The following RXRA variants were observed in gnomAD, a reference collection of about 807,000 sequenced individuals.
The protein encoded by RXRA is retinoic acid receptor RXR-alpha.
Under a neutral mutation model 44.5 loss-of-function variants are expected in RXRA, and 5 were observed. That is an observed-to-expected ratio of 0.11 (90% CI 0.06 to 0.24). The LOEUF is 0.24. Among genes scored for constraint, RXRA ranks in the 10% least tolerant of loss-of-function variants. The pLI, the probability that RXRA is intolerant of heterozygous loss-of-function variation, is 1.00. For missense variants in RXRA, 412 were observed against 646.5 expected (o/e 0.64, Z 3.93); for synonymous variants, 291 against 271.4 (o/e 1.07, Z -0.71).
chr9:134,349,521 G>A lies in RXRA; in HGVS notation c.28+22862G>A, dbSNP rs1462522687. Among the ~76,000 whole-genome samples, 3 of 152,292 alleles carry A rather than the reference G, an allele frequency of 2.0e-5. No homozygotes were observed. Among genetic ancestry groups the A allele is most frequent in the African/African-American group, 7.2e-5 (3 of 41,556 alleles). ...GCTGCGGGGGTGGCTCGGCCCTGAAGCTCGTGGCGGGCAGGAGTGTGCACG... is the reference window on the plus strand; with the variant it reads ...GCTGCGGGGGTGGCTCGGCCCTGAAACTCGTGGCGGGCAGGAGTGTGCACG... On this transcript the variant is annotated intron_variant, in intron 1 of 9. Coordinates refer to ENST00000481739, the MANE Select transcript of RXRA (RefSeq NM_002957.6). The surrounding 1 kb of genome is among the most constrained non-coding windows in gnomAD (Gnocchi z 4.3).
At chr9:134,383,068 C>T (rs1160927439) in intron 1 of RXRA, among the ~76,000 whole-genome samples, 2 of 152,172 alleles carry the variant, frequency 1.3e-5, no homozygotes, top group Non-Finnish European at 2.9e-5. Flanking sequence ...GCAGATGTGG[C>T]TGTGTGTGTG....
At chr9:134,402,043 G>A in intron 2 of RXRA, 161 bp downstream of exon 2, 3 of 655,258 alleles carry the variant, frequency 4.6e-6, no homozygotes, top group Non-Finnish European at 7.6e-6. Context: ...AGAGTGCCGT[G>A]GGGGTTTGAG....
At chr9:134,424,612 A>C in intron 6 of RXRA, 1 of 985,424 alleles carries the variant, frequency 1.0e-6, no homozygotes, top group South Asian at 4.7e-5. Context: ...CGGGGCCAGC[A>C]GCTCACCCAT....
rs977063596 is a variant in RXRA, at chr9:134,345,218, A to G, written c.28+18559A>G. Among the ~76,000 whole-genome samples the G allele has an allele frequency of 3.3e-5, 5 of 152,164 alleles. No homozygotes were observed. The South Asian group carries it at 1.0e-3, about 32-fold the overall frequency. ...CAGGGTCCCCACCGGATTAGTGAGG[A>G]TAACGTATCCCCCTCTAGCTGGTAT... On this transcript the variant is annotated intron_variant, in intron 1 of 9. Transcript: ENST00000481739.
At chr9:134,357,603 G>C (rs1323382338) in intron 1 of RXRA, among the ~76,000 whole-genome samples, 1 of 152,022 alleles carries the variant, frequency 6.6e-6, no homozygotes. Context: ...TTGGCCCTGG[G>C]TTCGAGGCCA....
intron 5 of RXRA, among the ~76,000 whole-genome samples, chr9:134,418,317 G>A (rs1038064378): frequency 1.3e-5 from 2 of 152,142 alleles, no homozygotes; most frequent in African/African-American, 2.4e-5. Flanking sequence ...GGGGACCTGG[G>A]TCCAGCTGGC....
intron 2 of RXRA, chr9:134,405,275 C>T (rs1049397939): frequency 6.6e-6 from 1 of 152,396 alleles, no homozygotes; most frequent in Non-Finnish European, 1.5e-5. Flanking sequence ...TCCAGGTGAG[C>T]CCAAAGAAGC....
At chr9:134,425,418 C>T (rs1196526630) in intron 6 of RXRA, 1 of 985,192 alleles carries the variant, frequency 1.0e-6, no homozygotes, top group Non-Finnish European at 1.2e-6. Flanking sequence ...TTTCAGGTTT[C>T]TCCGTCCAAC....
chr9:134,392,233 G>C (rs1250035129), intron 1 of RXRA, among the ~76,000 whole-genome samples: 1 of 152,194 alleles, frequency 6.6e-6, no homozygotes, highest in African/African-American at 2.4e-5. Flanking sequence ...TTTCCACGGG[G>C]ACTCTGCCAG....
Position 134,401,780 on chromosome 9 carries a change from C to T in RXRA, c.177C>T (p.Asn59=), listed in dbSNP as rs141227344. ...TCAGCACCCTGAGCTCCCCCATCAA[C>T]GGCATGGGCCCGCCTTTCTCGGTCA... ...SPISTLSSPI[N]GMGPPFSVIS... is the part of the protein sequence containing the mutation. Residue 59 remains asparagine (N), a synonymous_variant, in exon 2 of 10, where the codon AAC becomes AAT. Coordinates refer to ENST00000481739, the MANE Select transcript of RXRA (RefSeq NM_002957.6). 4.0e-5 allele frequency: 65 copies of T among 1,613,228 alleles called. No individual in the cohort carries two copies. Among genetic ancestry groups the T allele is most frequent in the African/African-American group, 2.0e-4 (15 of 75,062 alleles).
intron 5 of RXRA, among the ~76,000 whole-genome samples, chr9:134,419,645 A>G (rs904150931): frequency 1.3e-5 from 2 of 152,208 alleles, no homozygotes; most frequent in African/African-American, 4.8e-5. Flanking sequence ...TCCTGTGGAC[A>G]CTTCTAGGCA....
intron 1 of RXRA, among the ~76,000 whole-genome samples, chr9:134,383,228 T>A (rs191751612): frequency 6.6e-6 from 1 of 152,278 alleles, no homozygotes; most frequent in Admixed American, 6.5e-5. Flanking sequence ...CTGGACTTGC[T>A]CTGGGGGTCT....
At chr9:134,339,426 G>A (rs1830055063) in intron 1 of RXRA, among the ~76,000 whole-genome samples, 1 of 151,918 alleles carries the variant, frequency 6.6e-6, no homozygotes, top group African/African-American at 2.4e-5. Context: ...GTGAGAGTGT[G>A]TGGGTGCCAT....
At chr9:134,352,278 A>T (rs1830230853) in intron 1 of RXRA, among the ~76,000 whole-genome samples, 1 of 151,630 alleles carries the variant, frequency 6.6e-6, no homozygotes, top group African/African-American at 2.4e-5. Context: ...TTGGAGGGCG[A>T]GGGGAGGGGA....
chr9:134,433,502 C>G lies in RXRA; in HGVS notation c.1136-600C>G, dbSNP rs1020703802. On this transcript the variant is annotated intron_variant, in intron 8 of 9. Coordinates refer to ENST00000481739, the MANE Select transcript of RXRA (RefSeq NM_002957.6). This position sits in a 1 kb window ranked among gnomAD's most constrained non-coding sequence, Gnocchi z 4.2. Reference sequence around the variant, plus strand: ...AGGACACAGGCCAAGGTGGCATTCACAGGGGGTCCCTGGGCCTTGGGGGCC... The same window carrying G: ...AGGACACAGGCCAAGGTGGCATTCAGAGGGGGTCCCTGGGCCTTGGGGGCC... 1.3e-5 allele frequency among the ~76,000 whole-genome samples: 2 copies of G among 148,574 alleles called. No individual in the cohort carries two copies. The highest frequency in any genetic ancestry group is 5.2e-5 in the African/African-American group (2 of 38,306).
intron 1 of RXRA, among the ~76,000 whole-genome samples, chr9:134,358,385 A>G (rs1285496486): frequency 6.6e-6 from 1 of 152,176 alleles, no homozygotes; most frequent in African/African-American, 2.4e-5. Context: ...GTGGAGCTGG[A>G]GGGAGGGCTT....
chr9:134,376,280 G>A (rs1322275489), intron 1 of RXRA, among the ~76,000 whole-genome samples: 2 of 152,184 alleles, frequency 1.3e-5, no homozygotes, highest in African/African-American at 4.8e-5. Context: ...GGTTGTGGGG[G>A]TCTAGGAGCT....
intron 1 of RXRA, among the ~76,000 whole-genome samples, chr9:134,361,778 G>C (rs1275700375): frequency 1.3e-5 from 2 of 152,334 alleles, no homozygotes; most frequent in Middle Eastern, 3.4e-3. Context: ...CTGTGTGACT[G>C]GGGGAGGCAG....
At position 134,410,147 on chromosome 9, in the gene RXRA, C is replaced by T. The variant is rs565706526; in HGVS notation, c.610+1028C>T. ...TTGAGAAATCAGAGCCTCTGCCAGG[C>T]GCCGTGCTCCTGGAGGGTGTCCTCC... On this transcript the variant is annotated intron_variant, in intron 4 of 9. Coordinates refer to ENST00000481739, the MANE Select transcript of RXRA (RefSeq NM_002957.6). Among the ~76,000 whole-genome samples the T allele has an allele frequency of 2.0e-5, 3 of 152,358 alleles. 1 individual carries two copies. The highest frequency in any genetic ancestry group is 6.8e-3 in the Middle Eastern group (2 of 294).
Sources: allele counts gnomAD v4.1 joint callset (sites outside exome capture counted in the v4.1 genomes callset), GRCh38; gene constraint gnomAD v4.1.1; non-coding constraint Gnocchi (gnomAD v3.1); transcripts MANE v1.5; gene names NCBI Gene and HGNC (gene_info 2026-07-23, HGNC 2026-07-21).